TSHZ1: variants seen among roughly 807,000 people sequenced by gnomAD.
TSHZ1 encodes teashirt homolog 1.
A neutral mutation model predicts 67.1 loss-of-function variants in TSHZ1; 12 were observed. The observed-to-expected ratio is 0.18, with a 90% CI of 0.11 to 0.29. The LOEUF (loss-of-function observed/expected upper bound fraction) is 0.29. Among genes scored for constraint, TSHZ1 ranks in the 10% least tolerant of loss-of-function variants. The probability of loss-of-function intolerance (pLI) is 1.00; values close to 1 mark genes in which losing one functional copy is unlikely to be tolerated. For synonymous variants in TSHZ1, 632 were observed against 622.4 expected (o/e 1.02, Z -0.23); for missense variants, 1,305 against 1,413.9 (o/e 0.92, Z 1.23).
chr18:75,268,347 A>G (rs2023517625), intron 1 of TSHZ1, among the ~76,000 whole-genome samples: 2 of 152,220 alleles, frequency 1.3e-5, no homozygotes, highest in Admixed American at 1.3e-4. Context: ...TAATAATGTC[A>G]TTTTATTTAC....
rs1478111141 is a variant in TSHZ1 at position 75,281,575 on chromosome 18, G to T, written c.41-3873G>T. Among the ~76,000 whole-genome samples the T allele has an allele frequency of 2.6e-5, 4 of 152,150 alleles. No individual in the cohort carries two copies. Among genetic ancestry groups the T allele is most frequent in the African/African-American group, 7.2e-5 (3 of 41,428 alleles). ...GGCCTGTGTCTGGCAGGTGTGCAGG[G>T]GTGCTCATGGCTGTGGTCGGCACAG... On this transcript the variant is annotated intron_variant, in intron 1 of 1. Coordinates refer to ENST00000580243, the MANE Select transcript of TSHZ1 (RefSeq NM_001308210.2). The surrounding 1 kb of genome is among the most constrained non-coding windows in gnomAD (Gnocchi z 5.3).
At chr18:75,267,109 A>T (rs550431413) in intron 1 of TSHZ1, among the ~76,000 whole-genome samples, 2 of 152,210 alleles carry the variant, frequency 1.3e-5, no homozygotes, top group African/African-American at 4.8e-5. Flanking sequence ...CACAAATTGC[A>T]TGGCTCTATT....
At chr18:75,274,009 C>T (rs1012853672) in intron 1 of TSHZ1, among the ~76,000 whole-genome samples, 30 of 152,258 alleles carry the variant, frequency 2.0e-4, no homozygotes, top group Middle Eastern at 3.4e-3. Flanking sequence ...GCGTGAAGGC[C>T]GGCGGCGCCT....
intron 1 of TSHZ1, among the ~76,000 whole-genome samples, chr18:75,278,839 G>A (rs966374908): frequency 6.6e-6 from 1 of 152,284 alleles, no homozygotes; most frequent in South Asian, 2.1e-4. Context: ...ACTAAGCCAG[G>A]CCTCGAAGGG....
intron 1 of TSHZ1, among the ~76,000 whole-genome samples, chr18:75,248,029 G>C (rs1467019004): frequency 6.6e-6 from 1 of 152,116 alleles, no homozygotes; most frequent in African/African-American, 2.4e-5. Context: ...ATAAAGATAA[G>C]CGCACTAGCC....
In TSHZ1 at chr18:75,289,472, C is replaced by T. The variant is rs1030863911; in HGVS notation, c.*831C>T. The T allele has an allele frequency of 1.2e-5, 2 of 166,974 alleles. No individual in the cohort carries two copies. The highest frequency in any genetic ancestry group is 4.8e-5 in the African/African-American group (2 of 41,410). 10.3% of individuals were successfully genotyped at this position (166,974 alleles called of 1,614,324 possible). ...TAAGCTTTGGTACAAGCTGACCTTT[C>T]TATAGCGTGCTGCATTGGTAAATGA... On this transcript the variant is annotated 3_prime_UTR_variant, in exon 2 of 2. Transcript: ENST00000580243.
rs889970421 is a variant in TSHZ1, at chr18:75,281,022, G to T, written c.41-4426G>T. On this transcript the variant is annotated intron_variant, in intron 1 of 1. Transcript: ENST00000580243. This position sits in a 1 kb window ranked among gnomAD's most constrained non-coding sequence, Gnocchi z 5.3. ...TGGGACCAGATAGATAGAGCGGGCT[G>T]GGCACAGAGGGCTGGGCACAGGCGG... Among the ~76,000 whole-genome samples the T allele has an allele frequency of 6.6e-6, 1 of 152,180 alleles. No individual in the cohort carries two copies. Among genetic ancestry groups the T allele is most frequent in the Non-Finnish European group, 1.5e-5 (1 of 68,036 alleles).
At chr18:75,232,459 T>A (rs1447306351) in intron 1 of TSHZ1, among the ~76,000 whole-genome samples, 1 of 152,250 alleles carries the variant, frequency 6.6e-6, no homozygotes, top group Non-Finnish European at 1.5e-5. Context: ...TTGGAAAGTC[T>A]AAAATAAGTT....
intron 1 of TSHZ1, among the ~76,000 whole-genome samples, chr18:75,232,760 C>T (rs1193080043): frequency 1.3e-5 from 2 of 152,174 alleles, no homozygotes; most frequent in Non-Finnish European, 2.9e-5. Context: ...GAATTCAGAG[C>T]TTTTCAGATT....
At chr18:75,269,822 T>G (rs1169575841) in intron 1 of TSHZ1, among the ~76,000 whole-genome samples, 2 of 152,070 alleles carry the variant, frequency 1.3e-5, no homozygotes, top group Non-Finnish European at 2.9e-5. Flanking sequence ...CCAGCCCCCC[T>G]GGCTCCCAGC....
In TSHZ1 at chr18:75,287,080, C is replaced by T. The variant is rs2023781149; in HGVS notation, c.1673C>T (p.Thr558Ile). The T allele has an allele frequency of 1.2e-6, 2 of 1,613,974 alleles. No individual in the cohort carries two copies. Among genetic ancestry groups the T allele is most frequent in the South Asian group, 2.2e-5 (2 of 91,092 alleles). ...GLDILKSLENTVSTAISKAQN... is the reference protein window; with the variant it reads ...GLDILKSLENIVSTAISKAQN... ...GACATTCTCAAGTCCCTGGAGAATA[C>T]CGTCTCCACGGCCATTAGCAAAGCT... The change falls in exon 2 of 2, where the codon ACC becomes ATC. Residue 558 changes from threonine (T) to isoleucine (I), a missense_variant. This residue lies in a region of TSHZ1 where 909 missense variants were observed against 961.8 expected (regional missense o/e 0.95). Transcript: ENST00000580243. This position sits in a 1 kb window ranked among gnomAD's most constrained non-coding sequence, Gnocchi z 5.0.
At chr18:75,230,259 G>C (rs2022980261) in intron 1 of TSHZ1, among the ~76,000 whole-genome samples, 1 of 152,198 alleles carries the variant, frequency 6.6e-6, no homozygotes, top group African/African-American at 2.4e-5. Flanking sequence ...ATTAAAAGCT[G>C]TTTGGTGATG....
intron 1 of TSHZ1, among the ~76,000 whole-genome samples, chr18:75,275,497 ACACTCATTT>A (rs1321926887): frequency 6.6e-6 from 1 of 152,176 alleles, no homozygotes; most frequent in Non-Finnish European, 1.5e-5. Flanking sequence ...ACGTTTCTTT[ACACTCATTT>A]CAGCCATTTG....
intron 1 of TSHZ1, among the ~76,000 whole-genome samples, chr18:75,282,073 G>C (rs1599057542): frequency 1.3e-5 from 2 of 152,286 alleles, no homozygotes; most frequent in Middle Eastern, 3.4e-3. Context: ...TGGCTTGCTG[G>C]GAAGATGACT....
At chr18:75,240,520 G>A (rs1201084025) in intron 1 of TSHZ1, among the ~76,000 whole-genome samples, 1 of 152,174 alleles carries the variant, frequency 6.6e-6, no homozygotes, top group Non-Finnish European at 1.5e-5. Flanking sequence ...GCCCCCAGGT[G>A]CACCGCGAGC....
At chr18:75,272,347 G>A (rs2023568981) in intron 1 of TSHZ1, among the ~76,000 whole-genome samples, 1 of 152,142 alleles carries the variant, frequency 6.6e-6, no homozygotes, top group Admixed American at 6.5e-5. Context: ...AGGGAAAGAG[G>A]GGAGGAGGGC....
At chr18:75,235,817 T>G (rs1482191632) in intron 1 of TSHZ1, among the ~76,000 whole-genome samples, 1 of 152,126 alleles carries the variant, frequency 6.6e-6, no homozygotes, top group Non-Finnish European at 1.5e-5. Flanking sequence ...TGCCTCCCCG[T>G]GGTTTGGCAG....
At chr18:75,234,751 A>C (rs2023045703) in intron 1 of TSHZ1, among the ~76,000 whole-genome samples, 1 of 152,232 alleles carries the variant, frequency 6.6e-6, no homozygotes, top group Non-Finnish European at 1.5e-5. Flanking sequence ...ACGTTCACCC[A>C]TACATATTTC....
intron 1 of TSHZ1, 72 bp downstream of exon 1, chr18:75,211,988 G>T: frequency 8.8e-7 from 1 of 1,138,012 alleles, no homozygotes; most frequent in South Asian, 4.4e-5. Flanking sequence ...TTCGCGGGCC[G>T]AGGTGCGGGA....
Sources: allele counts gnomAD v4.1 joint callset (sites outside exome capture counted in the v4.1 genomes callset), GRCh38; gene constraint gnomAD v4.1.1; regional missense constraint gnomAD v4.1.1; non-coding constraint Gnocchi (gnomAD v3.1); transcripts MANE v1.5; gene names NCBI Gene and HGNC (gene_info 2026-07-23, HGNC 2026-07-21).